The following EDAR variants were observed in gnomAD, a reference collection of about 807,000 sequenced individuals.
The protein encoded by EDAR is ectodysplasin A receptor, also known as tumor necrosis factor receptor superfamily member EDAR.
EDAR carries 38 observed loss-of-function variants against 51.3 expected under a neutral mutation model. That is an observed-to-expected ratio of 0.74 (90% confidence interval 0.57 to 0.97). The LOEUF is 0.97. EDAR is among the 50% of genes least tolerant of loss of function. EDAR has a pLI of 0.00. For missense variants in EDAR, 528 were observed against 595.0 expected (o/e 0.89, Z 1.17); for synonymous variants, 227 against 242.1 (o/e 0.94, Z 0.58).
At chr2:108,921,821 C>A (rs961721235) in intron 5 of EDAR, among the ~76,000 whole-genome samples, 2 of 152,230 alleles carry the variant, frequency 1.3e-5, no homozygotes, top group Admixed American at 6.5e-5. Flanking sequence ...ATGGGCAAGC[C>A]GAGGTCTGGG....
intron 1 of EDAR, among the ~76,000 whole-genome samples, chr2:108,964,082 A>T (rs1317599195): frequency 6.6e-6 from 1 of 152,200 alleles, no homozygotes; most frequent in Non-Finnish European, 1.5e-5. Context: ...ATGTTAATGA[A>T]TTCTACTTAA....
intron 1 of EDAR, among the ~76,000 whole-genome samples, chr2:108,931,527 G>A (rs1697365780): frequency 6.6e-6 from 1 of 152,184 alleles, no homozygotes; most frequent in Admixed American, 6.5e-5. Flanking sequence ...GTCCATCAAA[G>A]TGGACAAGTC....
At chr2:108,923,570 G>A (rs1697191750) in intron 4 of EDAR, 117 bp from the exon 5 acceptor site, 2 of 861,602 alleles carry the variant, frequency 2.3e-6, no homozygotes, top group African/African-American at 3.3e-5. Context: ...CGGGCATGAG[G>A]CCACGCCCAC....
intron 1 of EDAR, among the ~76,000 whole-genome samples, chr2:108,983,545 A>G (rs1190425081): frequency 6.6e-6 from 1 of 152,076 alleles, no homozygotes; most frequent in South Asian, 2.1e-4. Context: ...ACCAGACATC[A>G]AGTCAACAAT....
At chr2:108,982,229 G>C (rs1698432094) in intron 1 of EDAR, among the ~76,000 whole-genome samples, 1 of 152,216 alleles carries the variant, frequency 6.6e-6, no homozygotes, top group African/African-American at 2.4e-5. Context: ...ACAAAGAAAT[G>C]TTCCAGGGTA....
Position 108,910,970 on chromosome 2 carries a change from A to G in EDAR, c.632T>C (p.Leu211Pro). 1 of 1,614,174 alleles carries G rather than the reference A, an allele frequency of 6.2e-7. No individual in the cohort carries two copies. The highest frequency in any genetic ancestry group is 8.5e-7 in the Non-Finnish European group (1 of 1,180,016). ...ACCTGGGGCAGAGGGCTTTGTCTTCAGGATGTAGAACATGATGATGAGGAC... is the reference window on the plus strand; with the variant it reads ...ACCTGGGGCAGAGGGCTTTGTCTTCGGGATGTAGAACATGATGATGAGGAC... ...AIVLIIMFYI[L>P]KTKPSAPACC... The change falls in exon 7 of 12, where the codon CTG (leucine) becomes CCG (proline). Residue 211 changes from leucine (L) to proline (P), a missense_variant. Leu to Pro is a moderately conservative substitution (Grantham distance 98, BLOSUM62 -3). Coordinates refer to ENST00000258443, the MANE Select transcript of EDAR (RefSeq NM_022336.4).
Position 108,933,914 on chromosome 2 carries a change from A to C in EDAR, c.-18-2882T>G, listed in dbSNP as rs928227799. ...TTGGCTTCAGGATGGTGGGGTTAGC[A>C]GAGATAGGTTTCCACTGAGTCTGTG... On this transcript the variant is annotated intron_variant, in intron 1 of 11. Coordinates refer to ENST00000258443, the MANE Select transcript of EDAR (RefSeq NM_022336.4). 4.6e-5 allele frequency among the ~76,000 whole-genome samples: 7 copies of C among 152,084 alleles called. No homozygotes were observed. In the East Asian group the frequency reaches 7.8e-4, roughly 17 times the overall value.
At chr2:108,932,421 C>T (rs7588482) in intron 1 of EDAR, among the ~76,000 whole-genome samples, 2,828 of 145,262 alleles carry the variant, frequency 0.019, 43 homozygotes, top group African/African-American at 0.042. Context: ...CCCAGCTACT[C>T]GGGAGGCTGA....
chr2:108,899,644 C>T (rs578066440), intron 11 of EDAR, among the ~76,000 whole-genome samples: 8 of 152,172 alleles, frequency 5.3e-5, no homozygotes, highest in Admixed American at 2.0e-4. Flanking sequence ...GGTAAAGGGA[C>T]ATAGAGAAAG....
At position 108,928,590 on chromosome 2, in the gene EDAR, G is replaced by C. The variant is rs180779804; in HGVS notation, c.356+608C>G. 1.4e-3 allele frequency among the ~76,000 whole-genome samples: 218 copies of C among 152,324 alleles called. 1 individual carries two copies. The highest frequency in any genetic ancestry group is 2.5e-3 in the Non-Finnish European group (167 of 68,032). The stretch of plus-strand genomic sequence containing the variant: ...AAAGCATGATGTGTTGTGGCCACTA[G>C]GGGGAGGAAGCAGCAATGATCATGG... On this transcript the variant is annotated intron_variant, in intron 4 of 11. Coordinates refer to ENST00000258443, the MANE Select transcript of EDAR (RefSeq NM_022336.4).
At chr2:108,911,142 G>A (rs1218334923) in intron 6 of EDAR, 70 bp from the exon 7 acceptor site, 22 of 1,596,604 alleles carry the variant, frequency 1.4e-5, no homozygotes, top group South Asian at 1.1e-4. Flanking sequence ...CCAGGACTCC[G>A]GCCCCTGGAA....
In EDAR at chr2:108,903,633, A is replaced by G. The variant is rs549636076; in HGVS notation, c.1024+2675T>C. 3.9e-5 allele frequency among the ~76,000 whole-genome samples: 6 copies of G among 152,314 alleles called. No individual in the cohort carries two copies. In the South Asian group the frequency reaches 1.2e-3, roughly 32 times the overall value. ...AACTGATTTTTGACAAAGTTTGAAA[A>G]GCAATTCAATGGAGGAAAGATAATT... On this transcript the variant is annotated intron_variant, in intron 11 of 11. Transcript: ENST00000258443.
intron 1 of EDAR, among the ~76,000 whole-genome samples, chr2:108,945,603 GA>G (rs1367377205): frequency 1.3e-5 from 2 of 152,152 alleles, no homozygotes; most frequent in Non-Finnish European, 2.9e-5. Flanking sequence ...GACTGGAAAT[GA>G]AAGGAAAATA....
chr2:108,986,214 A>G (rs1420596895), intron 1 of EDAR, among the ~76,000 whole-genome samples: 1 of 152,122 alleles, frequency 6.6e-6, no homozygotes, highest in Admixed American at 6.6e-5. Flanking sequence ...ACAATGGCCT[A>G]TATTTGACAG....
At chr2:108,923,324 G>C (rs544304309) in intron 5 of EDAR, 44 bp downstream of exon 5, 1 of 1,580,760 alleles carries the variant, frequency 6.3e-7, no homozygotes, top group Non-Finnish European at 8.7e-7. Context: ...AAAGGGATCC[G>C]TGCTGAACAA....
chr2:108,972,599 T>A (rs1698256111), intron 1 of EDAR, among the ~76,000 whole-genome samples: 1 of 152,228 alleles, frequency 6.6e-6, no homozygotes, highest in Non-Finnish European at 1.5e-5. Flanking sequence ...ACGCCAAGTG[T>A]TGGTAAAACA....
chr2:108,921,509 G>A (rs897469531), intron 5 of EDAR, among the ~76,000 whole-genome samples: 1 of 152,206 alleles, frequency 6.6e-6, no homozygotes, highest in African/African-American at 2.4e-5. Flanking sequence ...CAAAGACAGG[G>A]CCTGCTGGAC....
At position 108,895,518 on chromosome 2, in the gene EDAR, A is replaced by AGTT. The variant is rs1696566409; in HGVS notation, c.*1386_*1388dup. On this transcript the variant is annotated 3_prime_UTR_variant, in exon 12 of 12. Transcript: ENST00000258443. ...TATAAATGTTATGTCAAACCATTGC[A>AGTT]GTTATTGTGAAAATGCCAAGTCTGA... 1 of 152,220 alleles carries AGTT rather than the reference A, an allele frequency of 6.6e-6. No homozygotes were observed. Among genetic ancestry groups the AGTT allele is most frequent in the South Asian group, 2.1e-4 (1 of 4,830 alleles). The allele number at this position is 152,220 out of a possible 1,614,324, so 9.4% of individuals were successfully genotyped here. A position where few individuals can be genotyped will look rare whatever the true frequency, so the allele number is the denominator to read the frequency against.
chr2:108,932,214 C>T (rs1420861982), intron 1 of EDAR, among the ~76,000 whole-genome samples: 1 of 152,032 alleles, frequency 6.6e-6, no homozygotes, highest in Non-Finnish European at 1.5e-5. Context: ...TAGAAATTAG[C>T]GAAAGATTAT....
Sources: allele counts gnomAD v4.1 joint callset (sites outside exome capture counted in the v4.1 genomes callset), GRCh38; gene constraint gnomAD v4.1.1; transcripts MANE v1.5; gene names NCBI Gene and HGNC (gene_info 2026-07-23, HGNC 2026-07-21).